The following TBX19 variants were observed in gnomAD, a reference collection of about 807,000 sequenced individuals.
TBX19 encodes T-box transcription factor 19, also known as T-box transcription factor TBX19.
TBX19 carries 33 observed loss-of-function variants against 40.9 expected under a neutral mutation model. The observed-to-expected ratio is 0.81, with a 90% CI of 0.61 to 1.08. TBX19 has a LOEUF of 1.08. Among genes scored for constraint, TBX19 ranks in the 50% least tolerant of loss-of-function variants. TBX19 has a pLI of 0.00. For missense variants in TBX19, 494 were observed against 574.0 expected, an observed-to-expected ratio of 0.86 and a Z score of 1.42; for synonymous variants, 220 against 225.0, an observed-to-expected ratio of 0.98 and a Z score of 0.20.
At chr1:168,291,075 A>G (rs768769732) in intron 1 of TBX19, 85 bp from the exon 2 acceptor site, 33 of 1,584,866 alleles carry the variant, frequency 2.1e-5, no homozygotes, top group Non-Finnish European at 2.5e-5. Flanking sequence ...ATTCCGTGGA[A>G]GGTCTCAGTA....
intron 1 of TBX19, 28 bp downstream of exon 1, chr1:168,281,321 CT>C: frequency 6.2e-7 from 1 of 1,607,294 alleles, no homozygotes; most frequent in Non-Finnish European, 8.5e-7. Context: ...CCCGCGTGGG[CT>C]GGCAGGGCTT....
intron 2 of TBX19, 100 bp downstream of exon 2, chr1:168,291,524 A>C (rs1572475255): frequency 6.1e-5 from 94 of 1,529,252 alleles, no homozygotes; most frequent in East Asian, 1.4e-4. Context: ...AGGTGTCCTC[A>C]CCAGCCTCTT....
chr1:168,297,921 G>A (rs1649154029), intron 4 of TBX19, 136 bp downstream of exon 4: 1 of 800,278 alleles, frequency 1.2e-6, no homozygotes, highest in Non-Finnish European at 2.0e-6. Context: ...TTTCGGCCAG[G>A]TGCGGTGGCT....
At chr1:168,291,679 A>T (rs985052134) in intron 2 of TBX19, among the ~76,000 whole-genome samples, 2 of 152,136 alleles carry the variant, frequency 1.3e-5, no homozygotes, top group East Asian at 1.9e-4. Flanking sequence ...GGCCCTTTTC[A>T]TAGTTTCGTC....
intron 4 of TBX19, among the ~76,000 whole-genome samples, chr1:168,300,076 G>T (rs1176226575): frequency 6.6e-6 from 1 of 152,150 alleles, no homozygotes; most frequent in Non-Finnish European, 1.5e-5. Context: ...GGTGGATCTA[G>T]CATATCACAT....
At chr1:168,293,545 T>C (rs1649008932) in intron 3 of TBX19, among the ~76,000 whole-genome samples, 1 of 152,286 alleles carries the variant, frequency 6.6e-6, no homozygotes, top group Non-Finnish European at 1.5e-5. Flanking sequence ...CTGAGTTCTG[T>C]TGAAACTCTG....
At chr1:168,298,214 C>T (rs1649166175) in intron 4 of TBX19, among the ~76,000 whole-genome samples, 1 of 152,082 alleles carries the variant, frequency 6.6e-6, no homozygotes, top group Non-Finnish European at 1.5e-5. Context: ...AAGAAATAGG[C>T]TTTCAATATT....
chr1:168,300,269 G>T (rs768280255), intron 4 of TBX19, among the ~76,000 whole-genome samples, 153 bp from the exon 5 acceptor site: 5 of 152,110 alleles, frequency 3.3e-5, no homozygotes, highest in Non-Finnish European at 7.3e-5. Context: ...CCCGAAGGAA[G>T]GAGAATGGGG....
chr1:168,281,233 C>T lies in TBX19; in HGVS notation c.143C>T (p.Ala48Val). 1 of 1,614,094 alleles carries T rather than the reference C, an allele frequency of 6.2e-7. No homozygotes were observed. Among genetic ancestry groups the T allele is most frequent in the Non-Finnish European group, 8.5e-7 (1 of 1,179,984 alleles). The change falls in exon 1 of 8, where the codon GCA (alanine) becomes GTA (valine). Residue 48 changes from alanine to valine, a missense_variant. Coordinates refer to ENST00000367821, the MANE Select transcript of TBX19 (RefSeq NM_005149.3). Reference sequence around the variant, plus strand: ...CAACTTCAGATCATCCTGGAGGATGCACCTCTCTGGCAGAGATTCAAGGAA... The same window carrying T: ...CAACTTCAGATCATCCTGGAGGATGTACCTCTCTGGCAGAGATTCAAGGAA... The part of the protein sequence containing the change: ...EKQLQIILED[A>V]PLWQRFKEVT...
At chr1:168,281,528 G>A (rs1648649357) in intron 1 of TBX19, among the ~76,000 whole-genome samples, 1 of 152,328 alleles carries the variant, frequency 6.6e-6, no homozygotes, top group African/African-American at 2.4e-5. Flanking sequence ...GAAATTCTGG[G>A]GAAATTACCA....
chr1:168,282,201 A>T (rs1648672151), intron 1 of TBX19, among the ~76,000 whole-genome samples: 2 of 152,214 alleles, frequency 1.3e-5, no homozygotes, highest in African/African-American at 4.8e-5. Context: ...CTGAACTCTA[A>T]TTATGACACC....
Position 168,313,295 on chromosome 1 carries a change from A to T in TBX19, c.*293A>T. The T allele has an allele frequency of 2.1e-6, 1 of 470,842 alleles. No individual in the cohort carries two copies. Among genetic ancestry groups the T allele is most frequent in the Non-Finnish European group, 3.9e-6 (1 of 257,792 alleles). The allele number at this position is 470,842 out of a possible 1,614,324, so 29.2% of individuals were successfully genotyped here. A position where few individuals can be genotyped will look rare whatever the true frequency, so the allele number is the denominator to read the frequency against. On this transcript the variant is annotated 3_prime_UTR_variant, in exon 8 of 8. Coordinates refer to ENST00000367821, the MANE Select transcript of TBX19 (RefSeq NM_005149.3). The stretch of plus-strand genomic sequence containing the variant: ...GTACCATCCTTGTGCCCTGCCTCTT[A>T]TTCTCAAATCGTTCTGGAAAGCCTC...
rs559790942 is a variant in TBX19, at chr1:168,283,760, T to G, written c.203+2467T>G. 2.2e-4 allele frequency among the ~76,000 whole-genome samples: 34 copies of G among 152,314 alleles called. No individual in the cohort carries two copies. In the South Asian group the frequency reaches 6.6e-3, roughly 30 times the overall value. On this transcript the variant is annotated intron_variant, in intron 1 of 7. Coordinates refer to ENST00000367821, the MANE Select transcript of TBX19 (RefSeq NM_005149.3). ...CTGGTATGATTACCCAGTCCTAGCC[T>G]TTTTCATTCATAATGTCACCTGGGC...
chr1:168,302,628 A>C (rs1649306273), intron 5 of TBX19, among the ~76,000 whole-genome samples: 1 of 152,144 alleles, frequency 6.6e-6, no homozygotes, highest in South Asian at 2.1e-4. Context: ...TATTCTGCAA[A>C]ATGCTTGCTG....
At position 168,298,761 on chromosome 1, in the gene TBX19, ATTCCC is replaced by A. The variant is rs1301391011; in HGVS notation, c.665+993_665+997del. On this transcript the variant is annotated intron_variant, in intron 4 of 7. Coordinates refer to ENST00000367821, the MANE Select transcript of TBX19 (RefSeq NM_005149.3). ...AGCTTTCCTTCTTCCCTTCCCTTCC[ATTCCC>A]TTCCCTTCCCTTCCCTCCCTCCTCT... 8.0e-4 allele frequency among the ~76,000 whole-genome samples: 48 copies of A among 60,372 alleles called. 1 individual carries two copies. The highest frequency in any genetic ancestry group is 2.7e-3 in the African/African-American group (40 of 15,048). 39.6% of individuals were successfully genotyped at this position (60,372 alleles called of 152,430 possible). A position where few individuals can be genotyped will look rare whatever the true frequency, so the allele number is the denominator to read the frequency against.
chr1:168,300,515 G>T (rs570722002), intron 5 of TBX19, 32 bp downstream of exon 5: 21 of 1,606,600 alleles, frequency 1.3e-5, no homozygotes, highest in Middle Eastern at 1.7e-4. Context: ...CGGGAGGTGC[G>T]TGGGGCTGTA....
Position 168,280,926 on chromosome 1 carries a change from CT to C in TBX19, c.-161del, listed in dbSNP as rs1261095836. The C allele has an allele frequency of 1.4e-6, 1 of 708,016 alleles. No homozygotes were observed. Among genetic ancestry groups the C allele is most frequent in the East Asian group, 2.7e-5 (1 of 36,394 alleles). 43.9% of individuals were successfully genotyped at this position (708,016 alleles called of 1,614,324 possible). A position where few individuals can be genotyped will look rare whatever the true frequency, so the allele number is the denominator to read the frequency against. On this transcript the variant is annotated 5_prime_UTR_variant, in exon 1 of 8. An upstream open reading frame in the 5' UTR gains an earlier in-frame stop. Coordinates refer to ENST00000367821, the MANE Select transcript of TBX19 (RefSeq NM_005149.3). ...ACAGGTTGGTGGCATAATGTGGAGA[CT>C]TTTAAGGGGTGTCATCCTAGGAGCT...
Position 168,312,906 on chromosome 1 carries a change from T to C in TBX19, c.1251T>C (p.Ala417=). Residue 417 remains alanine (A), a synonymous_variant, in exon 8 of 8, where the codon GCT becomes GCC. Transcript: ENST00000367821. Reference sequence around the variant, plus strand: ...GGGAGCCCTCGCTAACCAGCATTGCTGTGTCCACCTGGACAGCAGTGGCCT... The same window carrying C: ...GGGAGCCCTCGCTAACCAGCATTGCCGTGTCCACCTGGACAGCAGTGGCCT... ...VLGEPSLTSI[A]VSTWTAVASH... 1 of 1,614,258 alleles carries C rather than the reference T, an allele frequency of 6.2e-7. No individual in the cohort carries two copies.
intron 4 of TBX19, 55 bp downstream of exon 4, chr1:168,297,840 A>G: frequency 7.0e-7 from 1 of 1,424,670 alleles, no homozygotes; most frequent in Non-Finnish European, 9.8e-7. Flanking sequence ...GCAAATACAA[A>G]TGTGGAATTT....
Sources: gnomAD v4.1 joint callset for allele counts (sites outside exome capture counted in the v4.1 genomes callset) on GRCh38, gnomAD v4.1.1 for gene constraint, MANE v1.5 for transcripts, NCBI Gene and HGNC (gene_info 2026-07-23, HGNC 2026-07-21) for gene names.